The following SMPD4 variants were observed in gnomAD, a reference collection of about 807,000 sequenced individuals.
SMPD4 encodes the protein sphingomyelin phosphodiesterase 4.
Under a neutral mutation model 97.8 loss-of-function variants are expected in SMPD4, and 58 were observed. The ratio of observed to expected loss-of-function variants is 0.59; its 90% CI spans 0.48 to 0.74. The LOEUF (loss-of-function observed/expected upper bound fraction) is 0.74, where lower values mean the gene tolerates loss of function less well. Ranked by LOEUF, SMPD4 falls within the 30% of genes least tolerant of loss-of-function variation. The pLI, the probability that SMPD4 is intolerant of heterozygous loss-of-function variation, is 0.00. For synonymous variants in SMPD4, 388 were observed against 450.0 expected, an observed-to-expected ratio of 0.86 and a Z score of 1.74; for missense variants, 853 against 1,080.5, an observed-to-expected ratio of 0.79 and a Z score of 2.95.
chr2:130,164,230 T>G, intron 10 of SMPD4, 144 bp downstream of exon 10: 1 of 718,766 alleles, frequency 1.4e-6, no homozygotes, highest in Non-Finnish European at 2.5e-6. Flanking sequence ...TGCCCACTTC[T>G]TATTTGGCTT....
chr2:130,154,192 T>G (rs1471162548), intron 16 of SMPD4, 85 bp downstream of exon 16: 1 of 1,445,194 alleles, frequency 6.9e-7, no homozygotes, highest in African/African-American at 1.4e-5. Context: ...CCTCCCTCCT[T>G]CCTGCTGGAT....
chr2:130,153,249 C>T, intron 18 of SMPD4, 70 bp downstream of exon 18: 9 of 1,612,632 alleles, frequency 5.6e-6, no homozygotes, highest in Middle Eastern at 3.3e-4. Flanking sequence ...GGCCTCTGCT[C>T]ACAAGGGAGG....
chr2:130,167,652 A>G, intron 8 of SMPD4, 62 bp from the exon 9 acceptor site: 1 of 1,524,384 alleles, frequency 6.6e-7, no homozygotes, highest in Non-Finnish European at 8.8e-7. Flanking sequence ...CTCCCGCTGT[A>G]ACAGGGGCAA....
chr2:130,156,458 C>T, intron 13 of SMPD4, 127 bp downstream of exon 13: 2 of 966,180 alleles, frequency 2.1e-6, no homozygotes, highest in Non-Finnish European at 3.1e-6. Flanking sequence ...ATGTGGCCCT[C>T]CAAGACCCCC....
At position 130,174,957 on chromosome 2, in the gene SMPD4, T is replaced by C; in HGVS notation, c.83A>G (p.Gln28Arg). The C allele has an allele frequency of 6.2e-7, 1 of 1,609,974 alleles. No individual in the cohort carries two copies. Among genetic ancestry groups the C allele is most frequent in the Non-Finnish European group, 8.5e-7 (1 of 1,176,424 alleles). Residue 28 changes from glutamine (Q) to arginine (R), a missense_variant, in exon 3 of 20, where the codon CAG (glutamine) becomes CGG (arginine). Coordinates refer to ENST00000680298, the MANE Select transcript of SMPD4 (RefSeq NM_017951.5). ...AATGACTTTAACCAAGTCTTGGCAC[T>C]GCTGTGCAAAGGGCTTATTTATAGA... ...ADSINKPFAQ[Q>R]CQDLVKVIED...
chr2:130,180,497 T>C (rs751937843), intron 1 of SMPD4, among the ~76,000 whole-genome samples: 5 of 151,994 alleles, frequency 3.3e-5, no homozygotes, highest in Non-Finnish European at 7.4e-5. Context: ...GGTCTTGAAC[T>C]CCTGACCTCG....
chr2:130,164,881 G>A (rs563638081), intron 9 of SMPD4, among the ~76,000 whole-genome samples: 3 of 151,806 alleles, frequency 2.0e-5, no homozygotes, highest in African/African-American at 7.2e-5. Flanking sequence ...CGAGGTGGGT[G>A]GGATTACCTG....
At position 130,157,346 on chromosome 2, in the gene SMPD4, C is replaced by T. The variant is rs1163555773; in HGVS notation, c.1002G>A (p.Leu334=). 6.9e-6 allele frequency: 11 copies of T among 1,600,810 alleles called. No homozygotes were observed. The highest frequency in any genetic ancestry group is 5.6e-5 in the South Asian group (5 of 88,742). Residue 334 remains leucine, a synonymous_variant, in exon 12 of 20, where the codon CTG becomes CTA. Transcript: ENST00000680298. ...EEHVLVVRLL[L]KHLHAFANSL... ...TGTTGGCAAAGGCGTGCAGGTGCTT[C>T]AGCAGCAGGCGCACCACCAACACAT...
chr2:130,160,362 A>T (rs1018909171), intron 11 of SMPD4, among the ~76,000 whole-genome samples: 2 of 152,164 alleles, frequency 1.3e-5, no homozygotes, highest in African/African-American at 4.8e-5. Context: ...CTGTTCAATC[A>T]TGTGTGCTCT....
At chr2:130,163,083 G>A (rs374540415) in intron 10 of SMPD4, among the ~76,000 whole-genome samples, 1 of 152,274 alleles carries the variant, frequency 6.6e-6, no homozygotes, top group Non-Finnish European at 1.5e-5. Flanking sequence ...CACTCCCTCA[G>A]AAGGCAGAAG....
intron 9 of SMPD4, among the ~76,000 whole-genome samples, chr2:130,165,701 G>A (rs1687865461): frequency 6.6e-6 from 1 of 152,200 alleles, no homozygotes; most frequent in African/African-American, 2.4e-5. Flanking sequence ...TGGTTGCCAG[G>A]TGCTGGGTGG....
chr2:130,172,018 T>G (rs1241823729), intron 8 of SMPD4, among the ~76,000 whole-genome samples: 40 of 152,180 alleles, frequency 2.6e-4, no homozygotes, highest in Admixed American at 2.5e-3. Flanking sequence ...TTTTTGCTCA[T>G]AGGACAACCT....
chr2:130,167,224 G>C (rs1340121805), intron 9 of SMPD4, among the ~76,000 whole-genome samples: 1 of 151,928 alleles, frequency 6.6e-6, no homozygotes, highest in Non-Finnish European at 1.5e-5. Flanking sequence ...GGGTTCAAGC[G>C]ATTCTCCCGC....
chr2:130,166,447 C>T (rs183831378), intron 9 of SMPD4, among the ~76,000 whole-genome samples: 2,046 of 152,220 alleles, frequency 0.013, 12 homozygotes, highest in Non-Finnish European at 0.022. Flanking sequence ...AGCCAAGAGC[C>T]ATCTGGGCAT....
intron 8 of SMPD4, 69 bp downstream of exon 8, chr2:130,172,280 C>A (rs990769407): frequency 3.4e-6 from 5 of 1,452,328 alleles, no homozygotes; most frequent in South Asian, 2.9e-5. Context: ...ACATTGTCCC[C>A]GTGGGCGATG....
intron 11 of SMPD4, among the ~76,000 whole-genome samples, chr2:130,159,909 C>T (rs757605613): frequency 1.4e-4 from 22 of 152,138 alleles, no homozygotes; most frequent in Non-Finnish European, 2.9e-4. Context: ...CTGGTCCTTC[C>T]GAAGGGTCTG....
In SMPD4 at chr2:130,152,336, G is replaced by A. The variant is rs558940780; in HGVS notation, c.*219C>T. ...GCTGAGCTCTGCGCTGTCACAGAGC[G>A]TAGCTGTTGAGCCCTGGCAGCTACT... On this transcript the variant is annotated 3_prime_UTR_variant, in exon 20 of 20. Transcript: ENST00000680298. 1.4e-4 allele frequency: 81 copies of A among 589,806 alleles called. No homozygotes were observed. Among genetic ancestry groups the A allele is most frequent in the African/African-American group, 1.1e-3 (58 of 53,834 alleles). The allele number at this position is 589,806 out of a possible 1,614,324, so 36.5% of individuals were successfully genotyped here. A position where few individuals can be genotyped will look rare whatever the true frequency, so the allele number is the denominator to read the frequency against.
At chr2:130,168,597 G>A (rs1688150737) in intron 8 of SMPD4, among the ~76,000 whole-genome samples, 1 of 151,742 alleles carries the variant, frequency 6.6e-6, no homozygotes, top group South Asian at 2.1e-4. Flanking sequence ...ACAGCTCACT[G>A]CAACCTCAAC....
chr2:130,163,835 C>T (rs925572416), intron 10 of SMPD4, among the ~76,000 whole-genome samples: 16 of 152,144 alleles, frequency 1.1e-4, no homozygotes, highest in African/African-American at 3.4e-4. Context: ...CAGGGACAGG[C>T]GAGGCGGAGG....
Sources: gnomAD v4.1 joint callset for allele counts (sites outside exome capture counted in the v4.1 genomes callset) on GRCh38, gnomAD v4.1.1 for gene constraint, MANE v1.5 for transcripts, NCBI Gene and HGNC (gene_info 2026-07-23, HGNC 2026-07-21) for gene names.